The following COX14 variants were observed in gnomAD, a reference collection of about 807,000 sequenced individuals.
COX14 encodes the protein cytochrome c oxidase assembly protein COX14.
In COX14, 3 loss-of-function variants were observed where a neutral mutation model predicts 5.8. The observed-to-expected ratio is 0.51, with a 90% CI of 0.23 to 1.33. The LOEUF is 1.33. COX14 is among the 40% of genes most tolerant of loss of function. The pLI, the probability that COX14 is intolerant of heterozygous loss-of-function variation, is 0.18. For missense variants in COX14, 72 were observed against 72.1 expected (o/e 1.00, Z 0.01); for synonymous variants, 25 against 26.1 (o/e 0.96, Z 0.13).
chr12:50,116,933 G>A (rs1184839516), intron 1 of COX14, among the ~76,000 whole-genome samples: 1 of 152,144 alleles, frequency 6.6e-6, no homozygotes, highest in Admixed American at 6.5e-5. Flanking sequence ...AGCCCTTAGG[G>A]TTTACTCTGA....
intron 1 of COX14, among the ~76,000 whole-genome samples, chr12:50,119,235 T>A (rs1193806560): frequency 6.6e-6 from 1 of 152,248 alleles, no homozygotes; most frequent in Non-Finnish European, 1.5e-5. Context: ...CTAACCACCA[T>A]GAATAAGATC....
chr12:50,118,118 C>T (rs1357077502), intron 1 of COX14, among the ~76,000 whole-genome samples: 2 of 151,104 alleles, frequency 1.3e-5, no homozygotes, highest in Non-Finnish European at 2.9e-5. Context: ...GCAATCTCAC[C>T]TCGCTGCAAC....
chr12:50,113,171 G>A (rs371690128), intron 1 of COX14, among the ~76,000 whole-genome samples: 3 of 151,890 alleles, frequency 2.0e-5, no homozygotes, highest in Non-Finnish European at 2.9e-5. Context: ...CACCGTACCC[G>A]GCCGATGTAC....
chr12:50,113,962 T>A (rs1951055199), intron 1 of COX14, among the ~76,000 whole-genome samples: 1 of 151,846 alleles, frequency 6.6e-6, no homozygotes, highest in Non-Finnish European at 1.5e-5. Context: ...TTATTATTAT[T>A]TTTAGAGACA....
Position 50,120,097 on chromosome 12 carries a change from C to T in COX14, c.54C>T (p.Ser18=). Residue 18 remains serine, a synonymous_variant, in exon 2 of 2, where the codon TCC becomes TCT. Transcript: ENST00000550487. Reference sequence around the variant, plus strand: ...TTGGCTATAAGACCTTCTCTACCTCCATGATGCTTCTCACTGTGTATGGGG... The same window carrying T: ...TTGGCTATAAGACCTTCTCTACCTCTATGATGCTTCTCACTGTGTATGGGG... ...ADIGYKTFST[S]MMLLTVYGGY... 6.2e-7 allele frequency: 1 copy of T among 1,614,084 alleles called. No homozygotes were observed. The highest frequency in any genetic ancestry group is 8.5e-7 in the Non-Finnish European group (1 of 1,179,914).
At chr12:50,116,679 C>G (rs12369049) in intron 1 of COX14, among the ~76,000 whole-genome samples, 56,455 of 152,004 alleles carry the variant, frequency 0.37, 10,986 homozygotes, top group African/African-American at 0.47. Context: ...TCTTTGCAGG[C>G]GGCTTAGCGT....
At chr12:50,119,434 A>G (rs981194905) in intron 1 of COX14, among the ~76,000 whole-genome samples, 1 of 152,178 alleles carries the variant, frequency 6.6e-6, no homozygotes, top group African/African-American at 2.4e-5. Context: ...ATGCCTGTAC[A>G]CAATCCCAGC....
intron 1 of COX14, among the ~76,000 whole-genome samples, chr12:50,114,488 G>A (rs1258224007): frequency 6.6e-6 from 1 of 152,038 alleles, no homozygotes; most frequent in East Asian, 1.9e-4. Context: ...CCAACCTCAG[G>A]TGATCCGCCC....
chr12:50,114,933 A>T (rs1025378467), intron 1 of COX14, among the ~76,000 whole-genome samples: 5 of 150,328 alleles, frequency 3.3e-5, no homozygotes, highest in Non-Finnish European at 7.4e-5. Flanking sequence ...ATGCCCAGCT[A>T]ATTTTTGTAG....
chr12:50,118,989 A>C (rs1336451910), intron 1 of COX14, among the ~76,000 whole-genome samples: 1 of 152,126 alleles, frequency 6.6e-6, no homozygotes, highest in Non-Finnish European at 1.5e-5. Flanking sequence ...CCTAGCTTGG[A>C]ATATCCAGGG....
At position 50,112,267 on chromosome 12, in the gene COX14, G is replaced by C; in HGVS notation, c.-43G>C. On this transcript the variant is annotated 5_prime_UTR_variant, in exon 1 of 2. Coordinates refer to ENST00000550487, the MANE Select transcript of COX14 (RefSeq NM_032901.4). ...CTCGAGACCCTGCCTGCCTGAGGAGGCCTCGGTTGGATGCGAAGGAGCTGC... is the reference window on the plus strand; with the variant it reads ...CTCGAGACCCTGCCTGCCTGAGGAGCCCTCGGTTGGATGCGAAGGAGCTGC... 2.0e-6 allele frequency: 2 copies of C among 983,902 alleles called. No individual in the cohort carries two copies. Among genetic ancestry groups the C allele is most frequent in the Non-Finnish European group, 1.2e-6 (1 of 828,508 alleles). The allele number at this position is 983,902 out of a possible 1,614,324, so 60.9% of individuals were successfully genotyped here. A position where few individuals can be genotyped will look rare whatever the true frequency, so the allele number is the denominator to read the frequency against.
At chr12:50,112,434 T>A in intron 1 of COX14, 133 bp downstream of exon 1, 1 of 985,966 alleles carries the variant, frequency 1.0e-6, no homozygotes, top group Non-Finnish European at 1.2e-6. Context: ...CACCCGCTTC[T>A]GTTGCGTTGC....
At chr12:50,114,915 G>A (rs1951066876) in intron 1 of COX14, among the ~76,000 whole-genome samples, 1 of 150,214 alleles carries the variant, frequency 6.7e-6, no homozygotes, top group South Asian at 2.1e-4. Flanking sequence ...CTACAGGCAG[G>A]CGCCACCATG....
At position 50,113,655 on chromosome 12, in the gene COX14, C is replaced by G. The variant is rs185324463; in HGVS notation, c.-9+1354C>G. Among the ~76,000 whole-genome samples, 177 of 151,206 alleles carry G rather than the reference C, an allele frequency of 1.2e-3. 2 individuals carry two copies. The highest frequency in any genetic ancestry group is 4.1e-3 in the African/African-American group (171 of 41,214). On this transcript the variant is annotated intron_variant, in intron 1 of 1. Transcript: ENST00000550487. ...TGTTATTTTATTTATTTTTTTGAGA[C>G]GGAGTCTCGCCCTGTCGCCCAGGCT...
At position 50,120,206 on chromosome 12, in the gene COX14, G is replaced by A; in HGVS notation, c.163G>A (p.Gly55Arg). 1 of 1,613,912 alleles carries A rather than the reference G, an allele frequency of 6.2e-7. No individual in the cohort carries two copies. The highest frequency in any genetic ancestry group is 8.5e-7 in the Non-Finnish European group (1 of 1,179,964). Residue 55 changes from glycine (G) to arginine (R), a missense_variant, in exon 2 of 2, where the codon GGA (glycine) becomes AGA (arginine). Transcript: ENST00000550487. Reference protein sequence around the residue: ...RQAAEEQKTSGIM With the variant: ...RQAAEEQKTSRIM ...GGCCGCAGAAGAACAGAAGACCTCA[G>A]GAATCATGTAGAACTGGGGGGCTTT...
At chr12:50,117,642 G>A (rs1217034477) in intron 1 of COX14, among the ~76,000 whole-genome samples, 4 of 149,932 alleles carry the variant, frequency 2.7e-5, no homozygotes, top group Non-Finnish European at 2.9e-5. Flanking sequence ...GCAATGATGC[G>A]ATCTCGGCTC....
At chr12:50,113,342 CG>C (rs1951047884) in intron 1 of COX14, among the ~76,000 whole-genome samples, 1 of 148,058 alleles carries the variant, frequency 6.8e-6, no homozygotes, top group Non-Finnish European at 1.5e-5. Flanking sequence ...CTTGCTCTGT[CG>C]CCCAGGCTGG....
At chr12:50,113,385 G>A (rs1049991569) in intron 1 of COX14, among the ~76,000 whole-genome samples, 4 of 141,394 alleles carry the variant, frequency 2.8e-5, no homozygotes, top group Non-Finnish European at 6.1e-5. Context: ...CTCACTACAA[G>A]CTCCGCCTTC....
At chr12:50,115,144 C>T (rs1490086662) in intron 1 of COX14, among the ~76,000 whole-genome samples, 1 of 148,152 alleles carries the variant, frequency 6.7e-6, no homozygotes, top group Non-Finnish European at 1.5e-5. Context: ...TGGGCTCAAG[C>T]GATTCTCCTG....
Sources: allele counts gnomAD v4.1 joint callset (sites outside exome capture counted in the v4.1 genomes callset), GRCh38; gene constraint gnomAD v4.1.1; transcripts MANE v1.5; gene names NCBI Gene and HGNC (gene_info 2026-07-23, HGNC 2026-07-21).